EMCN: variants seen among roughly 807,000 people sequenced by gnomAD.
EMCN encodes endomucin.
A neutral mutation model predicts 38.4 loss-of-function variants in EMCN; 37 were observed. That is an observed-to-expected ratio of 0.96 (90% CI 0.74 to 1.27). The LOEUF is 1.27. EMCN is among the 50% of genes most tolerant of loss of function. EMCN has a pLI of 0.00. For missense variants in EMCN, 318 were observed against 302.8 expected (o/e 1.05, Z -0.37); for synonymous variants, 95 against 100.8 (o/e 0.94, Z 0.35).
intron 4 of EMCN, among the ~76,000 whole-genome samples, chr4:100,451,091 C>T (rs143821838): frequency 7.9e-5 from 12 of 151,860 alleles, no homozygotes; most frequent in Admixed American, 3.9e-4. Context: ...CTCAGAACCT[C>T]TAGCAAAGAA....
intron 1 of EMCN, among the ~76,000 whole-genome samples, chr4:100,488,055 A>G (rs1241671870): frequency 6.6e-6 from 1 of 152,134 alleles, no homozygotes; most frequent in Non-Finnish European, 1.5e-5. Flanking sequence ...ATGGAAGAAA[A>G]TTACAAACCT....
At chr4:100,497,435 A>G (rs6852521) in intron 1 of EMCN, among the ~76,000 whole-genome samples, 64,292 of 151,496 alleles carry the variant, frequency 0.42, 14,620 homozygotes, top group East Asian at 0.71. Context: ...GGAGTGCAGT[A>G]GCCCAATCTC....
At chr4:100,456,885 T>C (rs558308221) in intron 4 of EMCN, among the ~76,000 whole-genome samples, 9 of 152,256 alleles carry the variant, frequency 5.9e-5, no homozygotes, top group Non-Finnish European at 8.8e-5. Flanking sequence ...TCAATACCTA[T>C]ATTTTGTCAA....
intron 4 of EMCN, among the ~76,000 whole-genome samples, chr4:100,464,847 T>G (rs1384948819): frequency 1.3e-5 from 2 of 152,048 alleles, no homozygotes; most frequent in African/African-American, 2.4e-5. Flanking sequence ...TTCTTTTCAT[T>G]CTTTTCTTGC....
intron 1 of EMCN, among the ~76,000 whole-genome samples, chr4:100,491,755 A>G (rs1488324166): frequency 1.3e-5 from 2 of 152,238 alleles, no homozygotes; most frequent in East Asian, 1.9e-4. Flanking sequence ...GTCTTGCCAC[A>G]TAGCAGAGCC....
chr4:100,476,849 T>C (rs1728665241), intron 2 of EMCN, among the ~76,000 whole-genome samples: 1 of 152,224 alleles, frequency 6.6e-6, no homozygotes, highest in African/African-American at 2.4e-5. Flanking sequence ...GCACTTCATT[T>C]TCTATTCAAA....
intron 5 of EMCN, among the ~76,000 whole-genome samples, chr4:100,427,565 G>A (rs955989696): frequency 1.3e-5 from 2 of 151,670 alleles, no homozygotes; most frequent in African/African-American, 4.8e-5. Flanking sequence ...GGGATTATAG[G>A]CATGAGCCAC....
intron 1 of EMCN, among the ~76,000 whole-genome samples, chr4:100,500,667 G>A (rs550977795): frequency 5.9e-5 from 9 of 152,038 alleles, no homozygotes; most frequent in African/African-American, 2.2e-4. Context: ...TTGAGGCATT[G>A]TGTTTTGCCC....
At chr4:100,483,780 T>G (rs1235407781) in intron 1 of EMCN, among the ~76,000 whole-genome samples, 1 of 152,196 alleles carries the variant, frequency 6.6e-6, no homozygotes, top group Non-Finnish European at 1.5e-5. Context: ...ATGCTTTTAC[T>G]GTATTATCTG....
At chr4:100,456,676 C>G (rs1354431408) in intron 4 of EMCN, among the ~76,000 whole-genome samples, 1 of 152,060 alleles carries the variant, frequency 6.6e-6, no homozygotes, top group Non-Finnish European at 1.5e-5. Flanking sequence ...AAGAGACACA[C>G]TCTGTATCAC....
chr4:100,495,633 A>G (rs948558074), intron 1 of EMCN, among the ~76,000 whole-genome samples: 39 of 152,210 alleles, frequency 2.6e-4, no homozygotes, highest in Middle Eastern at 6.8e-3. Flanking sequence ...ATGTAATCTC[A>G]TATTATGATC....
chr4:100,447,790 T>C (rs968094668), intron 4 of EMCN, among the ~76,000 whole-genome samples: 1 of 152,094 alleles, frequency 6.6e-6, no homozygotes, highest in Admixed American at 6.6e-5. Context: ...AAGGGCCAAA[T>C]TTTTTAGGTT....
intron 2 of EMCN, among the ~76,000 whole-genome samples, chr4:100,478,672 C>T (rs930316523): frequency 2.0e-5 from 3 of 152,080 alleles, no homozygotes; most frequent in Non-Finnish European, 2.9e-5. Flanking sequence ...TCTCTACTTT[C>T]GGATATAGCT....
chr4:100,516,375 A>T (rs955374050), intron 1 of EMCN, among the ~76,000 whole-genome samples: 52 of 151,832 alleles, frequency 3.4e-4, no homozygotes, highest in African/African-American at 1.1e-3. Context: ...GCACTCGTCG[A>T]TGCTTGCAGA....
intron 2 of EMCN, among the ~76,000 whole-genome samples, chr4:100,479,331 G>A (rs1340506690): frequency 6.6e-6 from 1 of 152,012 alleles, no homozygotes; most frequent in Non-Finnish European, 1.5e-5. Context: ...TGCAAGATGG[G>A]CAGATGCAGT....
chr4:100,508,566 A>G (rs1211771093), intron 1 of EMCN, among the ~76,000 whole-genome samples: 1 of 152,210 alleles, frequency 6.6e-6, no homozygotes, highest in African/African-American at 2.4e-5. Context: ...GCACAAGATT[A>G]GGATAAAGTT....
intron 4 of EMCN, among the ~76,000 whole-genome samples, chr4:100,461,896 ATTGTT>A (rs1728188990): frequency 6.6e-6 from 1 of 152,108 alleles, no homozygotes; most frequent in Non-Finnish European, 1.5e-5. Flanking sequence ...CCAACAGTAG[ATTGTT>A]TTGTTTTGTC....
At position 100,507,245 on chromosome 4, in the gene EMCN, C is replaced by T. The variant is rs1042161401; in HGVS notation, c.64+10606G>A. On this transcript the variant is annotated intron_variant, in intron 1 of 11. Coordinates refer to ENST00000296420, the MANE Select transcript of EMCN (RefSeq NM_016242.4). ...TTAGGAGATGAAGGGCGCCTCTTTG[C>T]GAGGAGATTGTCAAACAAAGCTGGA... Among the ~76,000 whole-genome samples, 9 of 151,976 alleles carry T rather than the reference C, an allele frequency of 5.9e-5. No individual in the cohort carries two copies. In the South Asian group the frequency reaches 1.2e-3, roughly 21 times the overall value.
intron 2 of EMCN, among the ~76,000 whole-genome samples, chr4:100,476,485 T>G (rs1728654905): frequency 6.6e-6 from 1 of 152,132 alleles, no homozygotes; most frequent in Non-Finnish European, 1.5e-5. Context: ...ACAATTTTAT[T>G]TGCAGGTTTG....
Sources: gnomAD v4.1 joint callset for allele counts (sites outside exome capture counted in the v4.1 genomes callset) on GRCh38, gnomAD v4.1.1 for gene constraint, MANE v1.5 for transcripts, NCBI Gene and HGNC (gene_info 2026-07-23, HGNC 2026-07-21) for gene names.